The following GABRA2 variants were observed in gnomAD, a reference collection of about 807,000 sequenced individuals.
GABRA2 encodes the protein gamma-aminobutyric acid type A receptor subunit alpha2.
A neutral mutation model predicts 48.7 loss-of-function variants in GABRA2; 16 were observed. The ratio of observed to expected loss-of-function variants is 0.33; its 90% CI spans 0.22 to 0.50. GABRA2 has a LOEUF of 0.50. Among genes scored for constraint, GABRA2 ranks in the 20% least tolerant of loss-of-function variants. GABRA2 has a pLI of 0.98. For missense variants in GABRA2, 275 were observed against 535.6 expected, an observed-to-expected ratio of 0.51 and a Z score of 4.80; for synonymous variants, 185 against 184.5, an observed-to-expected ratio of 1.00 and a Z score of -0.02.
At position 46,270,016 on chromosome 4, in the gene GABRA2, C is replaced by T. The variant is rs77410225; in HGVS notation, c.857-7888G>A. Among the ~76,000 whole-genome samples, 744 of 151,924 alleles carry T rather than the reference C, an allele frequency of 4.9e-3. 8 individuals carry two copies. The highest frequency in any genetic ancestry group is 0.017 in the African/African-American group (704 of 41,490). Reference sequence around the variant, plus strand: ...GATTAATTTTCTAAAAAACTAAAAACATTTACAATAAAATGTAAGCCCAAA... The same window carrying T: ...GATTAATTTTCTAAAAAACTAAAAATATTTACAATAAAATGTAAGCCCAAA... On this transcript the variant is annotated intron_variant, in intron 8 of 9. Coordinates refer to ENST00000381620, the MANE Select transcript of GABRA2 (RefSeq NM_000807.4).
chr4:46,335,547 C>T (rs1457233179), intron 3 of GABRA2, among the ~76,000 whole-genome samples: 3 of 152,146 alleles, frequency 2.0e-5, no homozygotes, highest in Non-Finnish European at 2.9e-5. Flanking sequence ...GATCTCAGCT[C>T]ACCGCAACCT....
chr4:46,343,013 C>A (rs1733547521), intron 3 of GABRA2, among the ~76,000 whole-genome samples: 1 of 151,924 alleles, frequency 6.6e-6, no homozygotes, highest in South Asian at 2.1e-4. Context: ...ACATGCCTGA[C>A]ACTTTCTAAG....
At chr4:46,374,821 T>C (rs1715444453) in intron 3 of GABRA2, among the ~76,000 whole-genome samples, 1 of 146,862 alleles carries the variant, frequency 6.8e-6, no homozygotes, top group South Asian at 2.1e-4. Flanking sequence ...CTAAGAATAC[T>C]GATATGCTTC....
At chr4:46,357,713 T>C (rs1352672685) in intron 3 of GABRA2, among the ~76,000 whole-genome samples, 2 of 148,326 alleles carry the variant, frequency 1.3e-5, no homozygotes, top group Non-Finnish European at 3.0e-5. Flanking sequence ...CAGGCTGGAG[T>C]GCAGTGGTGC....
intron 8 of GABRA2, among the ~76,000 whole-genome samples, chr4:46,296,409 A>G (rs554216126): frequency 2.6e-4 from 39 of 152,278 alleles, no homozygotes; most frequent in African/African-American, 8.9e-4. Flanking sequence ...GGTTCCTGCT[A>G]TCTTTAAGTC....
At position 46,390,087 on chromosome 4, in the gene GABRA2, G is replaced by C. The variant is rs1206231573; in HGVS notation, c.-363C>G. The C allele has an allele frequency of 2.8e-5, 27 of 958,782 alleles. No individual in the cohort carries two copies. Among genetic ancestry groups the C allele is most frequent in the Non-Finnish European group, 3.2e-5 (26 of 806,028 alleles). 59.4% of individuals were successfully genotyped at this position (958,782 alleles called of 1,614,324 possible). ...GGAAATTGGGGGGACGCGGGCGGAG[G>C]CGCGGTGCGCGCCGGCGGTGGCGGG... On this transcript the variant is annotated 5_prime_UTR_variant, in exon 1 of 10. Coordinates refer to ENST00000381620, the MANE Select transcript of GABRA2 (RefSeq NM_000807.4).
chr4:46,252,161 C>T (rs553014457), intron 9 of GABRA2, among the ~76,000 whole-genome samples: 1 of 151,506 alleles, frequency 6.6e-6, no homozygotes, highest in South Asian at 2.1e-4. Flanking sequence ...ATGGATTACC[C>T]ATCTTTCACT....
intron 8 of GABRA2, among the ~76,000 whole-genome samples, chr4:46,300,404 T>G (rs1281704182): frequency 6.6e-6 from 1 of 151,972 alleles, no homozygotes; most frequent in Non-Finnish European, 1.5e-5. Flanking sequence ...TCATTCCAAT[T>G]AGTTCCTTTT....
At chr4:46,342,481 C>G (rs1360726401) in intron 3 of GABRA2, among the ~76,000 whole-genome samples, 1 of 152,042 alleles carries the variant, frequency 6.6e-6, no homozygotes, top group African/African-American at 2.4e-5. Context: ...CCACACAACA[C>G]TTCATAACCA....
At chr4:46,294,075 C>T (rs1724187440) in intron 8 of GABRA2, among the ~76,000 whole-genome samples, 1 of 152,236 alleles carries the variant, frequency 6.6e-6, no homozygotes, top group South Asian at 2.1e-4. Flanking sequence ...TTGCCTTCAG[C>T]TGGCAAGGCC....
chr4:46,288,858 A>T (rs1723046308), intron 8 of GABRA2, among the ~76,000 whole-genome samples: 1 of 149,284 alleles, frequency 6.7e-6, no homozygotes, highest in South Asian at 2.1e-4. Flanking sequence ...GAACTTAAAC[A>T]AATTTACAAG....
intron 9 of GABRA2, among the ~76,000 whole-genome samples, chr4:46,255,296 T>A (rs1414170028): frequency 5.9e-5 from 9 of 151,588 alleles, no homozygotes; most frequent in African/African-American, 2.2e-4. Flanking sequence ...CAAGATAATA[T>A]GTCATATAGA....
In GABRA2 at chr4:46,332,701, T is replaced by C. The variant is rs781360772; in HGVS notation, c.188-19A>G. 5 of 1,361,820 alleles carry C rather than the reference T, an allele frequency of 3.7e-6. No individual in the cohort carries two copies. Among genetic ancestry groups the C allele is most frequent in the Non-Finnish European group, 5.3e-6 (5 of 951,582 alleles). The allele number at this position is 1,361,820 out of a possible 1,614,324, so 84.4% of individuals were successfully genotyped here. ...ATACTGTCTAATATGAGAAAAGAGA[T>C]TGAATATAGATATTATATAATAAGA... On this transcript the variant is annotated intron_variant, in intron 3 of 9. Transcript: ENST00000381620.
intron 9 of GABRA2, among the ~76,000 whole-genome samples, chr4:46,258,081 AC>A (rs984525426): frequency 2.0e-5 from 3 of 151,788 alleles, no homozygotes; most frequent in Admixed American, 1.3e-4. Context: ...TAGATATATT[AC>A]CTCGTAAGTT....
chr4:46,379,843 A>G (rs907086193), intron 3 of GABRA2, among the ~76,000 whole-genome samples: 1 of 152,134 alleles, frequency 6.6e-6, no homozygotes, highest in African/African-American at 2.4e-5. Context: ...GAACTACTTA[A>G]CAGCTCAGCT....
Position 46,248,113 on chromosome 4 carries a change from A to T in GABRA2, c.*2195T>A, listed in dbSNP as rs1379759103. 6.6e-6 allele frequency among the ~76,000 whole-genome samples: 1 copy of T among 151,346 alleles called. No individual in the cohort carries two copies. Among genetic ancestry groups the T allele is most frequent in the African/African-American group, 2.4e-5 (1 of 41,346 alleles). ...ATAAGCCTTTTCTGTTGTCATACAG[A>T]AACTGTTATTTACAACTGTTTTTAC... On this transcript the variant is annotated 3_prime_UTR_variant, in exon 10 of 10. Transcript: ENST00000381620.
At chr4:46,283,640 G>A (rs1721956516) in intron 8 of GABRA2, among the ~76,000 whole-genome samples, 1 of 152,168 alleles carries the variant, frequency 6.6e-6, no homozygotes, top group South Asian at 2.1e-4. Flanking sequence ...AAAAGAAGTA[G>A]CTAATGTCTT....
At chr4:46,311,314 G>A (rs1727607505) in intron 5 of GABRA2, among the ~76,000 whole-genome samples, 4 of 152,088 alleles carry the variant, frequency 2.6e-5, no homozygotes, top group Admixed American at 1.3e-4. Context: ...AATAGCATAG[G>A]ACTGTATTGT....
chr4:46,375,652 A>G (rs1337566417), intron 3 of GABRA2, among the ~76,000 whole-genome samples: 1 of 152,180 alleles, frequency 6.6e-6, no homozygotes, highest in African/African-American at 2.4e-5. Context: ...TATACCAGAA[A>G]TCACTCTTCC....
Sources: gnomAD v4.1 joint callset for allele counts (sites outside exome capture counted in the v4.1 genomes callset) on GRCh38, gnomAD v4.1.1 for gene constraint, MANE v1.5 for transcripts, NCBI Gene and HGNC (gene_info 2026-07-23, HGNC 2026-07-21) for gene names.